Variants in PHYHIPL observed in about 807,000 individuals in gnomAD.
PHYHIPL encodes the protein phytanoyl-CoA hydroxylase-interacting protein-like.
PHYHIPL carries 9 observed loss-of-function variants against 33.4 expected under a neutral mutation model. The ratio of observed to expected loss-of-function variants is 0.27; its 90% CI spans 0.16 to 0.47. PHYHIPL has a LOEUF of 0.47. Among genes scored for constraint, PHYHIPL ranks in the 20% least tolerant of loss-of-function variants. The pLI is 0.99. For synonymous variants in PHYHIPL, 153 were observed against 154.1 expected (o/e 0.99, Z 0.05); for missense variants, 365 against 460.7 (o/e 0.79, Z 1.90).
chr10:59,235,839 G>A (rs1840214010), intron 2 of PHYHIPL, among the ~76,000 whole-genome samples: 2 of 151,728 alleles, frequency 1.3e-5, no homozygotes, highest in African/African-American at 4.8e-5. Flanking sequence ...ACTTTTCTGT[G>A]ACACATAGAC....
At chr10:59,233,590 G>A (rs1039514429) in intron 1 of PHYHIPL, among the ~76,000 whole-genome samples, 2 of 151,602 alleles carry the variant, frequency 1.3e-5, no homozygotes, top group African/African-American at 4.8e-5. Flanking sequence ...ATCAAATCCT[G>A]CTCTATACTG....
In PHYHIPL at chr10:59,177,038, G is replaced by A. The variant is rs762277322; in HGVS notation, c.106+79G>A. The A allele has an allele frequency of 5.2e-4, 643 of 1,238,196 alleles. 1 individual carries two copies. The highest frequency in any genetic ancestry group is 6.9e-4 in the Non-Finnish European group (603 of 867,954). 76.7% of individuals were successfully genotyped at this position (1,238,196 alleles called of 1,614,324 possible). ...GGGCCACTCTGGCTCCGCCGACGCC[G>A]CTCGCCAGGGCGGCAGGGTCTTTTG... On this transcript the variant is annotated intron_variant, in intron 1 of 4. Transcript: ENST00000373880.
intron 1 of PHYHIPL, among the ~76,000 whole-genome samples, chr10:59,218,603 T>A (rs1839679436): frequency 6.6e-6 from 1 of 152,068 alleles, no homozygotes; most frequent in South Asian, 2.1e-4. Flanking sequence ...ATTTGGGAGG[T>A]TGGGCTTGAG....
chr10:59,207,672 A>G (rs534276321), intron 1 of PHYHIPL, among the ~76,000 whole-genome samples: 2 of 152,264 alleles, frequency 1.3e-5, no homozygotes, highest in South Asian at 4.1e-4. Context: ...CCAGCGGATC[A>G]TGAGGTCAGC....
chr10:59,236,746 G>A (rs531170329), intron 3 of PHYHIPL, 89 bp downstream of exon 3: 1 of 1,131,708 alleles, frequency 8.8e-7, no homozygotes, highest in Non-Finnish European at 1.2e-6. Flanking sequence ...TAATTATAAA[G>A]TGATATATGT....
chr10:59,199,879 A>G (rs965639411), intron 1 of PHYHIPL, among the ~76,000 whole-genome samples: 1 of 152,158 alleles, frequency 6.6e-6, no homozygotes, highest in Non-Finnish European at 1.5e-5. Context: ...GTGTATAAGA[A>G]TGCTTGTGAT....
At chr10:59,177,671 G>T (rs1838290218) in intron 1 of PHYHIPL, 3 of 1,539,236 alleles carry the variant, frequency 1.9e-6, no homozygotes, top group Non-Finnish European at 2.6e-6. Context: ...GTTGAAGTTG[G>T]CAGGCTCCTG....
rs10530291 is a variant in PHYHIPL at position 59,227,975 on chromosome 10, G to GAGATATATATATATATATATAT, written c.107-6328_107-6327insGATATATATATATATATATATA. ...TAAGATTTTAATTTTTGCCTATTGA[G>GAGATATATATATATATATATAT]ATATATATATATGTTTTAAATAACA... On this transcript the variant is annotated intron_variant, in intron 1 of 4. Coordinates refer to ENST00000373880, the MANE Select transcript of PHYHIPL (RefSeq NM_032439.4). Among the ~76,000 whole-genome samples the GAGATATATATATATATATATAT allele has an allele frequency of 1.8e-3, 266 of 145,550 alleles. 1 individual carries two copies. The highest frequency in any genetic ancestry group is 3.5e-3 in the Middle Eastern group (1 of 284).
chr10:59,179,969 A>C (rs1838358618), intron 1 of PHYHIPL, among the ~76,000 whole-genome samples: 1 of 151,538 alleles, frequency 6.6e-6, no homozygotes, highest in South Asian at 2.1e-4. Context: ...CTGAAAATAT[A>C]CTGTAAATCC....
chr10:59,230,937 T>C (rs1254616073), intron 1 of PHYHIPL, among the ~76,000 whole-genome samples: 1 of 152,070 alleles, frequency 6.6e-6, no homozygotes, highest in Non-Finnish European at 1.5e-5. Flanking sequence ...GAGACCAAAG[T>C]TTTATCATGC....
chr10:59,245,226 G>T lies in PHYHIPL; in HGVS notation c.766G>T (p.Ala256Ser), dbSNP rs369674396. ...PYGRYRFEIA[A>S]EKLFNPNTNL... ...TGGAAGATACAGGTTTGAGATTGCC[G>T]CAGAAAAACTTTTTAACCCCAATAC... Residue 256 changes from alanine to serine, a missense_variant, in exon 5 of 5, where the codon GCA becomes TCA. This residue lies in a region of PHYHIPL where 196 missense variants were observed against 224.9 expected (regional missense o/e 0.87). Coordinates refer to ENST00000373880, the MANE Select transcript of PHYHIPL (RefSeq NM_032439.4). 1.1e-5 allele frequency: 18 copies of T among 1,613,992 alleles called. No homozygotes were observed. Among genetic ancestry groups the T allele is most frequent in the Non-Finnish European group, 1.4e-5 (17 of 1,180,022 alleles).
chr10:59,190,032 A>G (rs1030600330), intron 1 of PHYHIPL, among the ~76,000 whole-genome samples: 1 of 151,970 alleles, frequency 6.6e-6, no homozygotes, highest in African/African-American at 2.4e-5. Flanking sequence ...TTTGTGGAGA[A>G]CGTTTGTTTT....
intron 1 of PHYHIPL, among the ~76,000 whole-genome samples, chr10:59,178,949 A>G (rs190444287): frequency 1.3e-5 from 2 of 152,294 alleles, no homozygotes; most frequent in East Asian, 1.9e-4. Context: ...AGTAATTTAC[A>G]TAGACTAATT....
At chr10:59,190,982 A>T (rs1838768311) in intron 1 of PHYHIPL, among the ~76,000 whole-genome samples, 2 of 151,860 alleles carry the variant, frequency 1.3e-5, no homozygotes, top group African/African-American at 4.8e-5. Flanking sequence ...TTACTACTTG[A>T]TGAAATCTGG....
rs1840644628 is a variant in PHYHIPL, at chr10:59,245,784, A to G, written c.*193A>G. ...TTTCCTATTCCCTACCCCTCCCACT[A>G]CTTTCAATGATGAAATACCCTAAGT... is the stretch of plus-strand genomic sequence containing the variant. On this transcript the variant is annotated 3_prime_UTR_variant, in exon 5 of 5. Transcript: ENST00000373880. 4 of 558,848 alleles carry G rather than the reference A, an allele frequency of 7.2e-6. No individual in the cohort carries two copies. The highest frequency in any genetic ancestry group is 3.8e-5 in the African/African-American group (2 of 52,716). 34.6% of individuals were successfully genotyped at this position (558,848 alleles called of 1,614,324 possible). A position where few individuals can be genotyped will look rare whatever the true frequency, so the allele number is the denominator to read the frequency against.
At chr10:59,192,238 A>G (rs1249047846) in intron 1 of PHYHIPL, among the ~76,000 whole-genome samples, 1 of 152,186 alleles carries the variant, frequency 6.6e-6, no homozygotes, top group Non-Finnish European at 1.5e-5. Flanking sequence ...TTTTAAAATA[A>G]TTAAAAAGGA....
chr10:59,238,367 A>G (rs1427141554), intron 3 of PHYHIPL, among the ~76,000 whole-genome samples: 1 of 152,014 alleles, frequency 6.6e-6, no homozygotes, highest in Non-Finnish European at 1.5e-5. Flanking sequence ...AAATGCAAGC[A>G]AAGGTATTCT....
intron 1 of PHYHIPL, chr10:59,219,336 A>G (rs1839699777): frequency 9.7e-6 from 6 of 617,576 alleles, no homozygotes; most frequent in Non-Finnish European, 1.2e-5. Context: ...GTGATATGGT[A>G]TATAAAAATG....
chr10:59,189,719 A>G (rs61861191), intron 1 of PHYHIPL, among the ~76,000 whole-genome samples: 3,154 of 152,108 alleles, frequency 0.021, 63 homozygotes, highest in Non-Finnish European at 0.03. Flanking sequence ...GATAAATACT[A>G]TAATGGAGTA....
Sources: gnomAD v4.1 joint callset for allele counts (sites outside exome capture counted in the v4.1 genomes callset) on GRCh38, gnomAD v4.1.1 for gene constraint, gnomAD v4.1.1 regional missense constraint, MANE v1.5 for transcripts, NCBI Gene and HGNC (gene_info 2026-07-23, HGNC 2026-07-21) for gene names.